Variants in RNLS observed in about 807,000 individuals in gnomAD.
RNLS encodes renalase, FAD dependent amine oxidase.
In RNLS, 39 loss-of-function variants were observed where a neutral mutation model predicts 39.8. The ratio of observed to expected loss-of-function variants is 0.98; its 90% CI spans 0.76 to 1.28. The LOEUF (loss-of-function observed/expected upper bound fraction) is 1.28, where lower values mean the gene tolerates loss of function less well. Ranked by LOEUF, RNLS falls within the 50% of genes most tolerant of loss-of-function variation. RNLS has a pLI of 0.00. For synonymous variants in RNLS, 147 were observed against 150.7 expected (o/e 0.98, Z 0.18); for missense variants, 410 against 413.3 (o/e 0.99, Z 0.07).
chr10:88,457,049 TC>T (rs1414279612), intron 4 of RNLS, among the ~76,000 whole-genome samples: 1 of 152,148 alleles, frequency 6.6e-6, no homozygotes, highest in East Asian at 1.9e-4. Flanking sequence ...TTTTTAAAAA[TC>T]CACAAGTTTT....
intron 4 of RNLS, among the ~76,000 whole-genome samples, chr10:88,422,253 C>T (rs2133764419): frequency 6.6e-6 from 1 of 152,326 alleles, no homozygotes; most frequent in South Asian, 2.1e-4. Flanking sequence ...TTTCTGCTAA[C>T]ACTGCCTTAT....
At chr10:88,496,719 G>T (rs1351155694) in intron 4 of RNLS, among the ~76,000 whole-genome samples, 1 of 152,090 alleles carries the variant, frequency 6.6e-6, no homozygotes, top group Non-Finnish European at 1.5e-5. Flanking sequence ...GGTTAAAGCT[G>T]GGATAGGCAA....
At chr10:88,437,715 AATCATGGTACTCTC>A (rs1841488663) in intron 4 of RNLS, among the ~76,000 whole-genome samples, 1 of 152,188 alleles carries the variant, frequency 6.6e-6, no homozygotes, top group Admixed American at 6.5e-5. Context: ...AGTCTAAGCC[AATCATGGTACTCTC>A]ATCCCTAGTT....
rs577379043 is a variant in RNLS at position 88,336,755 on chromosome 10, C to T, written c.701-22114G>A. On this transcript the variant is annotated intron_variant, in intron 5 of 6. Transcript: ENST00000331772. ...ATGTTATCTATTTTAGCAATACTTTCGGGTGCTGGATAGAGGCTATGGGAC... is the reference window on the plus strand; with the variant it reads ...ATGTTATCTATTTTAGCAATACTTTTGGGTGCTGGATAGAGGCTATGGGAC... 5.3e-5 allele frequency among the ~76,000 whole-genome samples: 8 copies of T among 152,216 alleles called. No individual in the cohort carries two copies. In the South Asian group the frequency reaches 8.3e-4, roughly 16 times the overall value.
At chr10:88,491,464 A>G (rs1414362573) in intron 4 of RNLS, among the ~76,000 whole-genome samples, 1 of 152,126 alleles carries the variant, frequency 6.6e-6, no homozygotes, top group Non-Finnish European at 1.5e-5. Flanking sequence ...ACCTATAAAA[A>G]CTAGGCCTAA....
intron 4 of RNLS, among the ~76,000 whole-genome samples, chr10:88,460,047 T>G (rs1195516858): frequency 1.3e-5 from 2 of 152,038 alleles, no homozygotes; most frequent in African/African-American, 4.8e-5. Flanking sequence ...TGTTAAGCAG[T>G]TTATTAGTTT....
At chr10:88,274,547 T>C (rs1842741411) in exon 7 of RNLS, 1 of 164,100 alleles carries the variant, frequency 6.1e-6, no homozygotes, top group Admixed American at 5.9e-5. Flanking sequence ...GGCTAAACAA[T>C]AGCCCATTGT....
At chr10:88,293,657 G>A (rs1320720818) in intron 6 of RNLS, among the ~76,000 whole-genome samples, 2 of 151,700 alleles carry the variant, frequency 1.3e-5, no homozygotes, top group Non-Finnish European at 2.9e-5. Context: ...TATTACCTTA[G>A]TTCCCAAAAC....
At chr10:88,344,575 AACT>A (rs1275505148) in intron 5 of RNLS, among the ~76,000 whole-genome samples, 1 of 152,146 alleles carries the variant, frequency 6.6e-6, no homozygotes, top group Non-Finnish European at 1.5e-5. Context: ...ACTCCCGAGA[AACT>A]ACTATTATGA....
At chr10:88,551,478 G>A (rs949231042) in intron 4 of RNLS, among the ~76,000 whole-genome samples, 7 of 152,098 alleles carry the variant, frequency 4.6e-5, no homozygotes, top group African/African-American at 1.2e-4. Context: ...ATGAAAATGC[G>A]TATTTCTGTA....
intron 4 of RNLS, among the ~76,000 whole-genome samples, chr10:88,559,765 A>C (rs1318211681): frequency 6.6e-6 from 1 of 152,096 alleles, no homozygotes; most frequent in Non-Finnish European, 1.5e-5. Context: ...CCAAGCAAGT[A>C]CCTGTTTGAG....
intron 4 of RNLS, among the ~76,000 whole-genome samples, chr10:88,530,193 T>C (rs889565417): frequency 1.1e-4 from 16 of 152,148 alleles, no homozygotes; most frequent in African/African-American, 3.9e-4. Context: ...ATGGTAATAA[T>C]AACGTCCCTT....
intron 4 of RNLS, among the ~76,000 whole-genome samples, chr10:88,554,240 T>C (rs1323689875): frequency 6.6e-6 from 1 of 151,912 alleles, no homozygotes; most frequent in Non-Finnish European, 1.5e-5. Flanking sequence ...AATTTTAACA[T>C]TTGTTGTATA....
At chr10:88,453,563 C>T (rs1320536900) in intron 4 of RNLS, among the ~76,000 whole-genome samples, 1 of 152,218 alleles carries the variant, frequency 6.6e-6, no homozygotes, top group Non-Finnish European at 1.5e-5. Flanking sequence ...CCTCTTCCTG[C>T]ATGCAAATCT....
At chr10:88,485,055 C>G (rs1844410067) in intron 4 of RNLS, among the ~76,000 whole-genome samples, 3 of 151,876 alleles carry the variant, frequency 2.0e-5, no homozygotes, top group Non-Finnish European at 4.4e-5. Flanking sequence ...CCAAATTTAT[C>G]TACACTGTCA....
chr10:88,565,921 T>G (rs1849470735), intron 4 of RNLS, among the ~76,000 whole-genome samples: 1 of 151,874 alleles, frequency 6.6e-6, no homozygotes, highest in Non-Finnish European at 1.5e-5. Context: ...AGCTAATTTT[T>G]GTATTTTTGG....
chr10:88,553,640 A>T (rs939347484), intron 4 of RNLS, among the ~76,000 whole-genome samples: 1 of 152,216 alleles, frequency 6.6e-6, no homozygotes, highest in African/African-American at 2.4e-5. Context: ...AAGATTTTAT[A>T]TATAATGCAC....
chr10:88,489,565 C>T (rs1244255331), intron 4 of RNLS, among the ~76,000 whole-genome samples: 1 of 152,150 alleles, frequency 6.6e-6, no homozygotes, highest in African/African-American at 2.4e-5. Flanking sequence ...GATGTGGAGG[C>T]TATGGTTCCC....
At chr10:88,484,867 G>A (rs1032144467) in intron 4 of RNLS, among the ~76,000 whole-genome samples, 1 of 151,946 alleles carries the variant, frequency 6.6e-6, no homozygotes, top group African/African-American at 2.4e-5. Context: ...AAAATAGTCA[G>A]TTGAGGCATT....
Sources: allele counts gnomAD v4.1 joint callset (sites outside exome capture counted in the v4.1 genomes callset), GRCh38; gene constraint gnomAD v4.1.1; transcripts MANE v1.5; gene names NCBI Gene and HGNC (gene_info 2026-07-23, HGNC 2026-07-21).